MYO15A: variants seen among roughly 807,000 people sequenced by gnomAD.
MYO15A encodes unconventional myosin-XV.
Under a neutral mutation model 394.6 loss-of-function variants are expected in MYO15A, and 308 were observed. The observed-to-expected ratio is 0.78, with a 90% CI of 0.71 to 0.86. MYO15A has a LOEUF of 0.86. Among genes scored for constraint, MYO15A ranks in the 40% least tolerant of loss-of-function variants. MYO15A has a pLI of 0.00. For synonymous variants in MYO15A, 1,957 were observed against 2,003.8 expected (o/e 0.98, Z 0.62); for missense variants, 4,606 against 4,799.1 (o/e 0.96, Z 1.19).
At chr17:18,136,522 A>T (rs1200888776) in intron 14 of MYO15A, 41 bp from the exon 15 acceptor site, 1 of 1,613,660 alleles carries the variant, frequency 6.2e-7, no homozygotes, top group East Asian at 2.2e-5. Flanking sequence ...CCAGCACCCC[A>T]CCACGGTGTC....
chr17:18,138,819 C>G lies in MYO15A; in HGVS notation c.5016C>G (p.Asp1672Glu), dbSNP rs750329809. ...CCCTAAATTGCCCCCAGGCTACAGACCACACCTTCCTACAGAAGTGCCACT... is the reference window on the plus strand; with the variant it reads ...CCCTAAATTGCCCCCAGGCTACAGAGCACACCTTCCTACAGAAGTGCCACT... Reference protein sequence around the residue: ...DDQCCFPQATDHTFLQKCHYH... With the variant: ...DDQCCFPQATEHTFLQKCHYH... Residue 1672 changes from aspartate to glutamate, a missense_variant, in exon 18 of 66, where the codon GAC (aspartate) becomes GAG (glutamate). Around this residue, in one of 2 missense-constraint regions of MYO15A, gnomAD observed 2,776 missense variants for 3,109.3 expected, o/e 0.89. Transcript: ENST00000647165. 4.3e-6 allele frequency: 7 copies of G among 1,613,784 alleles called. No individual in the cohort carries two copies. The Admixed American group carries it at 1.2e-4, about 27-fold the overall frequency.
Position 18,152,544 on chromosome 17 carries a change from A to C in MYO15A, c.7966+360A>C, listed in dbSNP as rs114864034. 9.0e-3 allele frequency among the ~76,000 whole-genome samples: 1,375 copies of C among 152,220 alleles called. 18 individuals are homozygous for C. Among genetic ancestry groups the C allele is most frequent in the African/African-American group, 0.031 (1,294 of 41,498 alleles). On this transcript the variant is annotated intron_variant, in intron 42 of 65. Coordinates refer to ENST00000647165, the MANE Select transcript of MYO15A (RefSeq NM_016239.4). The stretch of plus-strand genomic sequence containing the variant: ...CTCCTGGCATCACAGTTGAAGCCCT[A>C]ACCTCTACACCCTTTGTCTCTCAGC...
In MYO15A at chr17:18,133,404, C is replaced by A. The variant is rs775303338; in HGVS notation, c.4482+18C>A. 6.2e-7 allele frequency: 1 copy of A among 1,613,704 alleles called. No homozygotes were observed. Among genetic ancestry groups the A allele is most frequent in the South Asian group, 1.1e-5 (1 of 91,048 alleles). On this transcript the variant is annotated intron_variant, in intron 12 of 65. Coordinates refer to ENST00000647165, the MANE Select transcript of MYO15A (RefSeq NM_016239.4). ...AGTATGAGGTGAGGGGACGCCACAG[C>A]CTGCCATGGGGCCCGCACCCTCTGG... is the stretch of plus-strand genomic sequence containing the variant.
rs1348196846 is a variant in MYO15A at position 18,150,230 on chromosome 17, T to G, written c.7213-199T>G. On this transcript the variant is annotated intron_variant, in intron 35 of 65. Coordinates refer to ENST00000647165, the MANE Select transcript of MYO15A (RefSeq NM_016239.4). The surrounding 1 kb of genome is among the most constrained non-coding windows in gnomAD (Gnocchi z 4.4). The stretch of plus-strand genomic sequence containing the variant: ...CTCCTCTGGGGAAGAGGGGATGGGT[T>G]GGGAGCTCATATGGTTATGGATACG... 6.6e-6 allele frequency among the ~76,000 whole-genome samples: 1 copy of G among 151,984 alleles called. No individual in the cohort carries two copies. The highest frequency in any genetic ancestry group is 1.9e-4 in the East Asian group (1 of 5,176).
At chr17:18,136,798 C>G (rs1188598051) in intron 15 of MYO15A, 112 bp downstream of exon 15, 1 of 1,425,248 alleles carries the variant, frequency 7.0e-7, no homozygotes, top group Non-Finnish European at 9.5e-7. Flanking sequence ...AGGTGCCATC[C>G]TCCCTTCATG....
chr17:18,152,588 A>G (rs994696174), intron 42 of MYO15A, among the ~76,000 whole-genome samples: 2 of 146,386 alleles, frequency 1.4e-5, no homozygotes, highest in African/African-American at 5.2e-5. Context: ...TGATCTTAAC[A>G]GCTATAAAGC....
At chr17:18,116,307 G>A (rs557663978) in intron 1 of MYO15A, among the ~76,000 whole-genome samples, 1 of 152,328 alleles carries the variant, frequency 6.6e-6, no homozygotes, top group African/African-American at 2.4e-5. Flanking sequence ...TATGCTCCTG[G>A]CTCTGCCCAG....
At position 18,173,853 on chromosome 17, in the gene MYO15A, T is replaced by C. The variant is rs1170528534; in HGVS notation, c.10423T>C (p.Tyr3475His). Residue 3475 changes from tyrosine (Y) to histidine (H), a missense_variant, in exon 65 of 66, where the codon TAC (tyrosine) becomes CAC (histidine). Around this residue, in one of 2 missense-constraint regions of MYO15A, gnomAD observed 2,776 missense variants for 3,109.3 expected, o/e 0.89. Transcript: ENST00000647165. The stretch of plus-strand genomic sequence containing the variant: ...CCAGCGGCCCACGGCCAACTCCAGC[T>C]ACCCCTATGTGGAGATTGCGCTGGG... ...RTQRPTANSSYPYVEIALGDV... is the reference protein window; with the variant it reads ...RTQRPTANSSHPYVEIALGDV... 1 of 1,613,266 alleles carries C rather than the reference T, an allele frequency of 6.2e-7. No individual in the cohort carries two copies. Among genetic ancestry groups the C allele is most frequent in the South Asian group, 1.1e-5 (1 of 91,058 alleles).
rs747830108 is a variant in MYO15A, at chr17:18,157,173, G to A, written c.8731G>A (p.Val2911Met). ...PPRVGYSAGC[V>M]VRRKVVYLEE... ...GCCCATAGGCTACAGTGCTGGCTGC[G>A]TGGTTCGCAGGAAGGTGGTGTACCT... is the stretch of plus-strand genomic sequence containing the variant. Residue 2911 changes from valine (V) to methionine (M), a missense_variant, in exon 50 of 66, where the codon GTG (valine) becomes ATG (methionine). By Grantham distance (21) the Val-to-Met change is conservative. Around this residue, in one of 2 missense-constraint regions of MYO15A, gnomAD observed 2,776 missense variants for 3,109.3 expected, o/e 0.89. Coordinates refer to ENST00000647165, the MANE Select transcript of MYO15A (RefSeq NM_016239.4). 1.4e-5 allele frequency: 23 copies of A among 1,610,402 alleles called. No individual in the cohort carries two copies. The highest frequency in any genetic ancestry group is 1.7e-5 in the Admixed American group (1 of 59,642).
rs560722103 is a variant in MYO15A at position 18,175,771 on chromosome 17, C to T, written c.10491+1850C>T. ...CCCCTTGGAGACCAACAGTCCTCTC[C>T]AGCTTTCCTCCCGATCCTCCCAGGC... On this transcript the variant is annotated intron_variant, in intron 65 of 65. Transcript: ENST00000647165. 1.3e-3 allele frequency among the ~76,000 whole-genome samples: 201 copies of T among 152,294 alleles called. 1 individual carries two copies. The highest frequency in any genetic ancestry group is 4.5e-3 in the African/African-American group (187 of 41,564).
rs745444176 is a variant in MYO15A at position 18,132,723 on chromosome 17, G to A, written c.4320+157G>A. 6.6e-6 allele frequency among the ~76,000 whole-genome samples: 1 copy of A among 152,222 alleles called. No individual in the cohort carries two copies. The highest frequency in any genetic ancestry group is 2.4e-5 in the African/African-American group (1 of 41,452). On this transcript the variant is annotated intron_variant, in intron 11 of 65. Coordinates refer to ENST00000647165, the MANE Select transcript of MYO15A (RefSeq NM_016239.4). The surrounding 1 kb of genome is among the most constrained non-coding windows in gnomAD (Gnocchi z 4.6). ...GATTTAAGACATCTCATGGCAGTGA[G>A]GGGGACCAGGAGTCTTCTGGGTCCA...
chr17:18,133,082 A>T, intron 11 of MYO15A, 143 bp from the exon 12 acceptor site: 2 of 823,268 alleles, frequency 2.4e-6, no homozygotes, highest in Non-Finnish European at 4.0e-6. Context: ...AGCCGTGCTC[A>T]GAGCCTCCGT....
At chr17:18,172,827 A>T (rs11654146) in intron 64 of MYO15A, 11 of 201,504 alleles carry the variant, frequency 5.5e-5, no homozygotes, top group Non-Finnish European at 1.0e-4. Flanking sequence ...TTAACTTAGT[A>T]ACCTCTTTAA....
In MYO15A at chr17:18,118,901, C is replaced by T. The variant is rs1215855230; in HGVS notation, c.101C>T (p.Ser34Leu). 4 of 1,613,906 alleles carry T rather than the reference C, an allele frequency of 2.5e-6. No homozygotes were observed. The highest frequency in any genetic ancestry group is 3.4e-6 in the Non-Finnish European group (4 of 1,180,002). Residue 34 changes from serine to leucine, a missense_variant, in exon 2 of 66, where the codon TCG becomes TTG. This residue lies in a region of MYO15A where 1,830 missense variants were observed against 1,689.7 expected (regional missense o/e 1.08). Transcript: ENST00000647165. ...CCCAAACGGAGCCTGAAGGGGACGT[C>T]GCGGCTGTTCATGGGCTTCCGCGAC... Reference protein sequence around the residue: ...EKPKRSLKGTSRLFMGFRDRT... With the variant: ...EKPKRSLKGTLRLFMGFRDRT...
rs747458813 is a variant in MYO15A at position 18,126,859 on chromosome 17, T to C, written c.3935T>C (p.Ile1312Thr). Residue 1312 changes from isoleucine (I) to threonine (T), a missense_variant, in exon 6 of 66, where the codon ATC becomes ACC. Around this residue, in one of 2 missense-constraint regions of MYO15A, gnomAD observed 2,776 missense variants for 3,109.3 expected, o/e 0.89. Coordinates refer to ENST00000647165, the MANE Select transcript of MYO15A (RefSeq NM_016239.4). Reference sequence around the variant, plus strand: ...GATGCCAAACAGAACCAGTGCATAATCATTAGGTGAGTGGGCTGCCTTTAT... The same window carrying C: ...GATGCCAAACAGAACCAGTGCATAACCATTAGGTGAGTGGGCTGCCTTTAT... ...MLDAKQNQCIIISGESGSGKT... is the reference protein window; with the variant it reads ...MLDAKQNQCITISGESGSGKT... 1.8e-5 allele frequency: 29 copies of C among 1,613,728 alleles called. 1 individual carries two copies. Among genetic ancestry groups the C allele is most frequent in the Non-Finnish European group, 1.4e-5 (17 of 1,179,992 alleles).
At position 18,150,786 on chromosome 17, in the gene MYO15A, T is replaced by TG. The variant is rs1232848021; in HGVS notation, c.7395+27dup. 1.2e-5 allele frequency: 19 copies of TG among 1,581,264 alleles called. No homozygotes were observed. The highest frequency in any genetic ancestry group is 3.6e-5 in the Admixed American group (2 of 55,654). On this transcript the variant is annotated intron_variant, in intron 37 of 65. Transcript: ENST00000647165. This position sits in a 1 kb window ranked among gnomAD's most constrained non-coding sequence, Gnocchi z 4.4. ...TGCTGGTGAGTGAGGGAGGGACTGCTGGGGGGTGGAGAATGGACCTGCCTG... is the reference window on the plus strand; with the variant it reads ...TGCTGGTGAGTGAGGGAGGGACTGCTGGGGGGGTGGAGAATGGACCTGCCTG...
In MYO15A at chr17:18,149,349, G is replaced by A. The variant is rs1392202025; in HGVS notation, c.7090G>A (p.Ala2364Thr). Residue 2364 changes from alanine (A) to threonine (T), a missense_variant, in exon 34 of 66, where the codon GCC (alanine) becomes ACC (threonine). This residue lies in a region of MYO15A where 2,776 missense variants were observed against 3,109.3 expected (regional missense o/e 0.89). Coordinates refer to ENST00000647165, the MANE Select transcript of MYO15A (RefSeq NM_016239.4). ...NQDGTNGETE[A>T]QRGTATHQES... Reference sequence around the variant, plus strand: ...GGACGGTACAAATGGGGAGACTGAGGCCCAAAGAGGGACAGCAACCCACCA... The same window carrying A: ...GGACGGTACAAATGGGGAGACTGAGACCCAAAGAGGGACAGCAACCCACCA... 1 of 1,608,892 alleles carries A rather than the reference G, an allele frequency of 6.2e-7. No individual in the cohort carries two copies. The highest frequency in any genetic ancestry group is 8.5e-7 in the Non-Finnish European group (1 of 1,177,322).
intron 7 of MYO15A, 145 bp from the exon 8 acceptor site, chr17:18,130,659 TG>T: frequency 1.4e-6 from 2 of 1,387,316 alleles, no homozygotes; most frequent in Non-Finnish European, 1.0e-6. Context: ...CCTGGACCCC[TG>T]GGGTCTCTGA....
At chr17:18,167,451 C>A in intron 61 of MYO15A, 139 bp from the exon 62 acceptor site, 1 of 1,387,392 alleles carries the variant, frequency 7.2e-7, no homozygotes, top group Non-Finnish European at 1.0e-6. Context: ...TTCCCCGAAA[C>A]CCAGGAAAGT....
Sources: allele counts gnomAD v4.1 joint callset (sites outside exome capture counted in the v4.1 genomes callset), GRCh38; gene constraint gnomAD v4.1.1; regional missense constraint gnomAD v4.1.1; non-coding constraint Gnocchi (gnomAD v3.1); transcripts MANE v1.5; gene names NCBI Gene and HGNC (gene_info 2026-07-23, HGNC 2026-07-21).